The following TENM2 variants were observed in gnomAD, a reference collection of about 807,000 sequenced individuals.
TENM2 encodes teneurin transmembrane protein 2, also known as teneurin-2.
A neutral mutation model predicts 245.2 loss-of-function variants in TENM2; 52 were observed. The ratio of observed to expected loss-of-function variants is 0.21; its 90% confidence interval spans 0.17 to 0.27. The LOEUF (loss-of-function observed/expected upper bound fraction) is 0.27. Among genes scored for constraint, TENM2 ranks in the 10% least tolerant of loss-of-function variants. TENM2 has a pLI of 1.00. For missense variants in TENM2, 3,046 were observed against 3,666.8 expected, an observed-to-expected ratio of 0.83 and a Z score of 4.37; for synonymous variants, 1,363 against 1,438.9, an observed-to-expected ratio of 0.95 and a Z score of 1.19.
chr5:167,078,775 A>G, the TENM2 span, among the ~76,000 whole-genome samples: 1 of 152,144 alleles, frequency 6.6e-6, no homozygotes, highest in Non-Finnish European at 1.5e-5. Flanking sequence ...CTGTTTAAAG[A>G]CATCTTATTG....
chr5:167,133,777 C>G, the TENM2 span, among the ~76,000 whole-genome samples: 1 of 151,592 alleles, frequency 6.6e-6, no homozygotes, highest in African/African-American at 2.4e-5. Context: ...CATTATATTC[C>G]CCTAATATTC....
At chr5:166,997,669 A>T in the TENM2 span, among the ~76,000 whole-genome samples, 2 of 152,214 alleles carry the variant, frequency 1.3e-5, no homozygotes, top group Non-Finnish European at 2.9e-5. Flanking sequence ...CAGAGAGAGC[A>T]TGATGGATTT....
At chr5:167,472,851 A>G (rs184306476) in intron 2 of TENM2, among the ~76,000 whole-genome samples, 13 of 152,322 alleles carry the variant, frequency 8.5e-5, no homozygotes, top group African/African-American at 2.9e-4. Flanking sequence ...GGACTCATAC[A>G]CTTCAGGAAG....
At chr5:167,773,722 G>C (rs73801394) in intron 2 of TENM2, among the ~76,000 whole-genome samples, 1 of 152,014 alleles carries the variant, frequency 6.6e-6, no homozygotes, top group South Asian at 2.1e-4. Flanking sequence ...TCCAGAAGCT[G>C]AAAGCATTTT....
At chr5:168,238,145 A>C (rs1299276108) in intron 25 of TENM2, among the ~76,000 whole-genome samples, 1 of 106,364 alleles carries the variant, frequency 9.4e-6, no homozygotes, top group Non-Finnish European at 1.7e-5. Flanking sequence ...ACTCCATCTC[A>C]AGAAAGAAAG....
At chr5:167,188,453 C>G in the TENM2 span, among the ~76,000 whole-genome samples, 1 of 152,136 alleles carries the variant, frequency 6.6e-6, no homozygotes, top group Non-Finnish European at 1.5e-5. Context: ...TTTTTAGACT[C>G]TATCTCAAGT....
intron 2 of TENM2, among the ~76,000 whole-genome samples, chr5:167,528,605 G>A (rs540678319): frequency 8.5e-5 from 13 of 152,068 alleles, no homozygotes; most frequent in East Asian, 7.7e-4. Flanking sequence ...CCTTTTTGTC[G>A]GTCTAGCTAT....
intron 2 of TENM2, among the ~76,000 whole-genome samples, chr5:167,559,993 C>T (rs1322234310): frequency 1.3e-5 from 2 of 152,082 alleles, no homozygotes; most frequent in African/African-American, 4.8e-5. Context: ...TCCTCTCACC[C>T]CTCCCACTCT....
the TENM2 span, among the ~76,000 whole-genome samples, chr5:167,065,738 C>A: frequency 6.6e-6 from 1 of 152,128 alleles, no homozygotes; most frequent in Non-Finnish European, 1.5e-5. Flanking sequence ...CCATAAAGCC[C>A]ATTTAAAGGT....
intron 12 of TENM2, among the ~76,000 whole-genome samples, chr5:168,159,383 A>T (rs1757538389): frequency 6.6e-6 from 1 of 152,108 alleles, no homozygotes; most frequent in South Asian, 2.1e-4. Context: ...AATCCAGAAG[A>T]CTTCCTATAG....
At chr5:167,116,594 A>G in the TENM2 span, 1 of 151,858 alleles carries the variant, frequency 6.6e-6, no homozygotes, top group Admixed American at 6.6e-5. Context: ...CCTCACTCCA[A>G]CCTTTGGGTA....
At chr5:167,129,697 TAG>T in the TENM2 span, among the ~76,000 whole-genome samples, 1 of 152,270 alleles carries the variant, frequency 6.6e-6, no homozygotes, top group African/African-American at 2.4e-5. Flanking sequence ...GCTTGGAATA[TAG>T]AGAGTGTGCA....
chr5:168,027,913 G>A (rs571414941), intron 5 of TENM2, among the ~76,000 whole-genome samples: 42 of 152,244 alleles, frequency 2.8e-4, no homozygotes, highest in African/African-American at 7.0e-4. Flanking sequence ...GTAAGAAGAC[G>A]TCCACCTATT....
intron 2 of TENM2, among the ~76,000 whole-genome samples, chr5:167,533,923 T>A (rs1771685835): frequency 6.6e-6 from 1 of 152,200 alleles, no homozygotes; most frequent in African/African-American, 2.4e-5. Flanking sequence ...TTCAAACTCC[T>A]GTCACTTGTT....
chr5:168,038,260 A>G (rs1787881001), intron 5 of TENM2, among the ~76,000 whole-genome samples: 1 of 152,230 alleles, frequency 6.6e-6, no homozygotes. Flanking sequence ...AGAGTTAGCC[A>G]TGATCACCAT....
In TENM2 at chr5:167,553,734, A is replaced by G. The variant is rs1428650693; in HGVS notation, c.502+178261A>G. 3.3e-5 allele frequency among the ~76,000 whole-genome samples: 5 copies of G among 152,116 alleles called. No individual in the cohort carries two copies. In the East Asian group the frequency reaches 9.6e-4, roughly 29 times the overall value. On this transcript the variant is annotated intron_variant, in intron 2 of 28. Transcript: ENST00000518659. ...ACCAGCACAAAATCCATCCATTTAG[A>G]CTATTCAGCTTTTAGGTAAATGGAC...
the TENM2 span, among the ~76,000 whole-genome samples, chr5:167,106,850 G>A: frequency 2.1e-4 from 32 of 152,116 alleles, no homozygotes; most frequent in Non-Finnish European, 3.7e-4. Context: ...TAGTGGACAA[G>A]GACATGGGAG....
At chr5:167,883,782 A>T (rs1194556886) in intron 3 of TENM2, among the ~76,000 whole-genome samples, 1 of 152,226 alleles carries the variant, frequency 6.6e-6, no homozygotes, top group Non-Finnish European at 1.5e-5. Flanking sequence ...TAAAGAGTAC[A>T]TTCAATTCTA....
rs180881944 is a variant in TENM2, at chr5:167,670,536, T to G, written c.503-205450T>G. On this transcript the variant is annotated intron_variant, in intron 2 of 28. Transcript: ENST00000518659. ...GTGCACTGAAAGACCTGTATGAGAC[T>G]CAGGAAACAATCATTCACAGACTTG... is the stretch of plus-strand genomic sequence containing the variant. Among the ~76,000 whole-genome samples, 15 of 152,028 alleles carry G rather than the reference T, an allele frequency of 9.9e-5. 1 individual carries two copies. Among genetic ancestry groups the G allele is most frequent in the Admixed American group, 9.2e-4 (14 of 15,246 alleles).
Sources: allele counts gnomAD v4.1 joint callset (sites outside exome capture counted in the v4.1 genomes callset), GRCh38; gene constraint gnomAD v4.1.1; transcripts MANE v1.5; gene names NCBI Gene and HGNC (gene_info 2026-07-23, HGNC 2026-07-21).